RGS7: variants seen among roughly 807,000 people sequenced by gnomAD.
The protein encoded by RGS7 is regulator of G-protein signaling 7.
Under a neutral mutation model 81.1 loss-of-function variants are expected in RGS7, and 27 were observed. That is an observed-to-expected ratio of 0.33 (90% CI 0.25 to 0.46). RGS7 has a LOEUF of 0.46. RGS7 is among the 20% of genes least tolerant of loss of function. The probability of loss-of-function intolerance (pLI) is 1.00; values close to 1 mark genes in which losing one functional copy is unlikely to be tolerated. For synonymous variants in RGS7, 208 were observed against 207.7 expected (o/e 1.00, Z -0.01); for missense variants, 396 against 607.4 (o/e 0.65, Z 3.66).
chr1:241,299,041 G>C (rs1275004452), intron 2 of RGS7, among the ~76,000 whole-genome samples: 4 of 152,164 alleles, frequency 2.6e-5, no homozygotes, highest in Non-Finnish European at 5.9e-5. Flanking sequence ...GCATCCCCAG[G>C]GAAGCCCAGA....
chr1:241,143,863 A>AT (rs1219041503), intron 2 of RGS7, among the ~76,000 whole-genome samples: 1 of 152,184 alleles, frequency 6.6e-6, no homozygotes, highest in East Asian at 1.9e-4. Flanking sequence ...TAGTGCCCTT[A>AT]TAAAGGAGGC....
intron 2 of RGS7, among the ~76,000 whole-genome samples, chr1:241,214,409 T>C (rs2074429342): frequency 6.6e-6 from 1 of 152,142 alleles, no homozygotes; most frequent in African/African-American, 2.4e-5. Context: ...GTCATTTTTA[T>C]TCAATATATA....
At chr1:240,796,283 C>T (rs980513698) in intron 18 of RGS7, among the ~76,000 whole-genome samples, 2 of 152,272 alleles carry the variant, frequency 1.3e-5, no homozygotes, top group Non-Finnish European at 2.9e-5. Context: ...ATCAAAATAA[C>T]ATTCTAAAGG....
intron 2 of RGS7, among the ~76,000 whole-genome samples, chr1:241,339,700 C>T (rs545433509): frequency 6.6e-6 from 1 of 152,192 alleles, no homozygotes; most frequent in South Asian, 2.1e-4. Flanking sequence ...TTCTGGCCTG[C>T]AAGAAAAACA....
At chr1:240,875,517 ATACTGATTT>A (rs1449224990) in intron 6 of RGS7, among the ~76,000 whole-genome samples, 1 of 152,122 alleles carries the variant, frequency 6.6e-6, no homozygotes, top group East Asian at 1.9e-4. Flanking sequence ...TCACTTCCAA[ATACTGATTT>A]TATTTTCTTT....
rs1558321940 is a variant in RGS7, at chr1:241,327,147, GAAA to G, written c.78+28549_78+28551del. Among the ~76,000 whole-genome samples, 164 of 74,478 alleles carry G rather than the reference GAAA, an allele frequency of 2.2e-3. 10 individuals carry two copies. Among genetic ancestry groups the G allele is most frequent in the Middle Eastern group, 7.8e-3 (1 of 128 alleles). The allele number at this position is 74,478 out of a possible 152,430, so 48.9% of individuals were successfully genotyped here. A position where few individuals can be genotyped will look rare whatever the true frequency, so the allele number is the denominator to read the frequency against. ...GAAAGAAAGAAAGAAAGAAAGAAAG[GAAA>G]GAAAGAAAGAAAGAAACACACAGAC... On this transcript the variant is annotated intron_variant, in intron 2 of 18. Coordinates refer to ENST00000440928, the MANE Select transcript of RGS7 (RefSeq NM_001364886.1).
intron 9 of RGS7, among the ~76,000 whole-genome samples, chr1:240,848,843 C>T (rs758070313): frequency 9.9e-5 from 15 of 152,002 alleles, no homozygotes; most frequent in Non-Finnish European, 1.9e-4. Flanking sequence ...ACAATTGATT[C>T]CAAAGATCAC....
chr1:241,283,337 A>T (rs2078625080), intron 2 of RGS7, among the ~76,000 whole-genome samples: 2 of 152,286 alleles, frequency 1.3e-5, no homozygotes, highest in Admixed American at 6.5e-5. Context: ...GTCTGCTGGC[A>T]GTATATTCTA....
At chr1:241,242,876 A>AT (rs2076331971) in intron 2 of RGS7, among the ~76,000 whole-genome samples, 4 of 152,140 alleles carry the variant, frequency 2.6e-5, no homozygotes, top group African/African-American at 9.7e-5. Flanking sequence ...CATTCTGGAT[A>AT]TTAGTCCTTT....
intron 2 of RGS7, among the ~76,000 whole-genome samples, chr1:241,321,017 C>T (rs2081177516): frequency 2.0e-5 from 3 of 152,108 alleles, no homozygotes; most frequent in African/African-American, 4.8e-5. Context: ...CAATGATTCC[C>T]ACTGGAATAT....
At chr1:241,076,795 C>T (rs773783640) in intron 3 of RGS7, among the ~76,000 whole-genome samples, 34 of 152,180 alleles carry the variant, frequency 2.2e-4, no homozygotes, top group Non-Finnish European at 4.4e-4. Flanking sequence ...GAATCAAGCC[C>T]TCTGCAATAA....
At chr1:241,302,594 T>G (rs1222834920) in intron 2 of RGS7, among the ~76,000 whole-genome samples, 1 of 151,970 alleles carries the variant, frequency 6.6e-6, no homozygotes, top group East Asian at 1.9e-4. Flanking sequence ...TCTACTCAGA[T>G]AGGGAGCACC....
At chr1:241,071,594 C>T (rs991150376) in intron 3 of RGS7, among the ~76,000 whole-genome samples, 1 of 150,590 alleles carries the variant, frequency 6.6e-6, no homozygotes, top group Non-Finnish European at 1.5e-5. Flanking sequence ...AAGATGAAGT[C>T]AGCTCTGCTT....
At chr1:240,975,388 C>A (rs1011113133) in intron 4 of RGS7, among the ~76,000 whole-genome samples, 2 of 150,554 alleles carry the variant, frequency 1.3e-5, no homozygotes, top group African/African-American at 4.8e-5. Flanking sequence ...GGCAACAGAG[C>A]AAGACTTCGT....
chr1:240,901,270 A>G (rs34862246), intron 6 of RGS7, among the ~76,000 whole-genome samples: 19,495 of 152,108 alleles, frequency 0.13, 1,368 homozygotes, highest in Middle Eastern at 0.18. Context: ...ACCCTGCTTC[A>G]GCTCATGGTC....
At chr1:240,925,863 T>C (rs1674352704) in intron 6 of RGS7, among the ~76,000 whole-genome samples, 1 of 152,232 alleles carries the variant, frequency 6.6e-6, no homozygotes, top group Non-Finnish European at 1.5e-5. Context: ...TGATTTACAG[T>C]TCTCTGATGA....
chr1:241,041,876 T>G (rs182343366), intron 3 of RGS7, among the ~76,000 whole-genome samples: 2 of 152,158 alleles, frequency 1.3e-5, no homozygotes, highest in African/African-American at 2.4e-5. Flanking sequence ...GACTTTGAAT[T>G]TCTTGAGGAT....
At chr1:240,828,989 C>T (rs944656564) in intron 9 of RGS7, among the ~76,000 whole-genome samples, 1 of 152,262 alleles carries the variant, frequency 6.6e-6, no homozygotes, top group African/African-American at 2.4e-5. Context: ...ATGTGATTGG[C>T]AGACTCAGCT....
At chr1:241,256,797 A>G (rs911681879) in intron 2 of RGS7, among the ~76,000 whole-genome samples, 6 of 152,058 alleles carry the variant, frequency 3.9e-5, no homozygotes, top group African/African-American at 1.4e-4. Flanking sequence ...CAAAGACCCT[A>G]CTTCTTAATA....
Sources: allele counts gnomAD v4.1 joint callset (sites outside exome capture counted in the v4.1 genomes callset), GRCh38; gene constraint gnomAD v4.1.1; transcripts MANE v1.5; gene names NCBI Gene and HGNC (gene_info 2026-07-23, HGNC 2026-07-21).